The following AUTS2 variants were observed in gnomAD, a reference collection of about 807,000 sequenced individuals.
AUTS2 encodes the protein autism susceptibility gene 2 protein.
A neutral mutation model predicts 112.4 loss-of-function variants in AUTS2; 17 were observed. The ratio of observed to expected loss-of-function variants is 0.15; its 90% CI spans 0.10 to 0.23. AUTS2 has a LOEUF of 0.23. Ranked by LOEUF, AUTS2 falls within the 10% of genes least tolerant of loss-of-function variation. AUTS2 has a pLI of 1.00. For missense variants in AUTS2, 1,510 were observed against 1,701.6 expected (o/e 0.89, Z 1.98); for synonymous variants, 751 against 702.7 (o/e 1.07, Z -1.09).
intron 2 of AUTS2, among the ~76,000 whole-genome samples, chr7:70,008,549 T>C (rs1356145570): frequency 6.6e-6 from 1 of 152,158 alleles, no homozygotes; most frequent in Non-Finnish European, 1.5e-5. Flanking sequence ...GGATAGTAAA[T>C]TTGTAAAATG....
chr7:70,732,926 A>G (rs1211680160), intron 6 of AUTS2, among the ~76,000 whole-genome samples: 1 of 152,196 alleles, frequency 6.6e-6, no homozygotes, highest in Middle Eastern at 3.2e-3. Flanking sequence ...CATTTTGTCC[A>G]CAGAGGAACT....
At chr7:70,704,493 C>T (rs1809632124) in intron 6 of AUTS2, among the ~76,000 whole-genome samples, 1 of 152,248 alleles carries the variant, frequency 6.6e-6, no homozygotes, top group Non-Finnish European at 1.5e-5. Context: ...AGAGTTTTCT[C>T]TATCCTTGGC....
At chr7:69,897,696 A>T (rs1375271859) in intron 1 of AUTS2, among the ~76,000 whole-genome samples, 2 of 152,066 alleles carry the variant, frequency 1.3e-5, no homozygotes, top group African/African-American at 4.8e-5. Flanking sequence ...GGCGGAGGTT[A>T]CAGTGAGCCA....
At chr7:69,668,560 G>A (rs952709911) in intron 1 of AUTS2, among the ~76,000 whole-genome samples, 3 of 152,156 alleles carry the variant, frequency 2.0e-5, no homozygotes, top group African/African-American at 7.2e-5. Flanking sequence ...TCAATCAAGA[G>A]AGTAAATATC....
chr7:70,357,551 T>C (rs1792067361), intron 4 of AUTS2, among the ~76,000 whole-genome samples: 1 of 152,220 alleles, frequency 6.6e-6, no homozygotes, highest in Non-Finnish European at 1.5e-5. Flanking sequence ...TCTTGGCAAC[T>C]GCATTCCTCT....
intron 1 of AUTS2, among the ~76,000 whole-genome samples, chr7:69,674,761 C>G (rs143705310): frequency 6.6e-6 from 1 of 152,020 alleles, no homozygotes; most frequent in African/African-American, 2.4e-5. Flanking sequence ...ACTGTTTTAT[C>G]ACAGTTCCTC....
chr7:69,690,812 G>C (rs531664532), intron 1 of AUTS2, among the ~76,000 whole-genome samples: 5 of 152,166 alleles, frequency 3.3e-5, no homozygotes, highest in Non-Finnish European at 7.4e-5. Flanking sequence ...TTTCAGTCCC[G>C]CAATTCAGCG....
At chr7:70,464,124 T>G (rs1797080483) in intron 5 of AUTS2, among the ~76,000 whole-genome samples, 1 of 152,132 alleles carries the variant, frequency 6.6e-6, no homozygotes, top group African/African-American at 2.4e-5. Flanking sequence ...TGAGGTAAGC[T>G]CCGCAGAGCT....
intron 5 of AUTS2, chr7:70,595,941 G>A (rs922494734): frequency 2.6e-5 from 4 of 152,206 alleles, no homozygotes; most frequent in African/African-American, 9.7e-5. Context: ...ATGGCAGAGC[G>A]GATCAGAAGC....
chr7:70,140,476 A>G (rs1370100790), intron 4 of AUTS2, among the ~76,000 whole-genome samples: 2 of 152,184 alleles, frequency 1.3e-5, no homozygotes, highest in Non-Finnish European at 1.5e-5. Context: ...TTTTAGTTTC[A>G]GAAGTACAGA....
intron 4 of AUTS2, among the ~76,000 whole-genome samples, chr7:70,173,355 C>T (rs1371394997): frequency 1.4e-5 from 2 of 147,700 alleles, no homozygotes; most frequent in African/African-American, 5.0e-5. Flanking sequence ...AGCGGGACCC[C>T]GTCTCAAAAA....
intron 1 of AUTS2, among the ~76,000 whole-genome samples, chr7:69,671,486 G>GCTGGT (rs748832261): frequency 1.4e-5 from 2 of 138,518 alleles, no homozygotes; most frequent in Non-Finnish European, 3.1e-5. Flanking sequence ...TGCTGCTGCT[G>GCTGGT]GTGTGTGTGT....
intron 2 of AUTS2, among the ~76,000 whole-genome samples, chr7:69,912,364 A>G (rs763647562): frequency 2.6e-5 from 4 of 151,956 alleles, no homozygotes; most frequent in Non-Finnish European, 4.4e-5. Flanking sequence ...AGGAGCATGA[A>G]TCTCCCTCTC....
intron 1 of AUTS2, among the ~76,000 whole-genome samples, chr7:69,672,741 C>T (rs571061708): frequency 6.6e-6 from 1 of 152,324 alleles, no homozygotes; most frequent in South Asian, 2.1e-4. Flanking sequence ...CCTAGAGACC[C>T]AGGGATGGAG....
At position 70,552,710 on chromosome 7, in the gene AUTS2, A is replaced by G. The variant is rs114249695; in HGVS notation, c.690+116929A>G. ...ACTAATATTTAATTTGATCAGTTAC[A>G]TTTTTCCAGACAGACTAATTAAAGT... On this transcript the variant is annotated intron_variant, in intron 5 of 18. Coordinates refer to ENST00000342771, the MANE Select transcript of AUTS2 (RefSeq NM_015570.4). Among the ~76,000 whole-genome samples, 233 of 152,266 alleles carry G rather than the reference A, an allele frequency of 1.5e-3. 2 individuals are homozygous for G. The highest frequency in any genetic ancestry group is 5.5e-3 in the African/African-American group (229 of 41,552).
chr7:69,993,124 G>A (rs1212583218), intron 2 of AUTS2, among the ~76,000 whole-genome samples: 1 of 152,188 alleles, frequency 6.6e-6, no homozygotes, highest in Non-Finnish European at 1.5e-5. Context: ...TGGGCTTCTT[G>A]TGGTTCAGAG....
intron 1 of AUTS2, among the ~76,000 whole-genome samples, chr7:69,665,930 T>C: frequency 6.6e-6 from 1 of 152,302 alleles, no homozygotes; most frequent in Non-Finnish European, 1.5e-5. Flanking sequence ...ACCTGGACCA[T>C]ATTATTTAGG....
At chr7:70,673,852 A>G (rs1807772936) in intron 5 of AUTS2, among the ~76,000 whole-genome samples, 1 of 152,220 alleles carries the variant, frequency 6.6e-6, no homozygotes, top group Admixed American at 6.5e-5. Context: ...AGTAGAGATA[A>G]TGGTATTAGT....
chr7:69,703,545 T>C (rs1797917476), intron 1 of AUTS2, among the ~76,000 whole-genome samples: 1 of 152,212 alleles, frequency 6.6e-6, no homozygotes, highest in Non-Finnish European at 1.5e-5. Context: ...AGCCTAGATT[T>C]AGAGCTGATC....
Sources: gnomAD v4.1 joint callset for allele counts (sites outside exome capture counted in the v4.1 genomes callset) on GRCh38, gnomAD v4.1.1 for gene constraint, MANE v1.5 for transcripts, NCBI Gene and HGNC (gene_info 2026-07-23, HGNC 2026-07-21) for gene names.